PSME3IP1: variants seen among roughly 807,000 people sequenced by gnomAD.
PSME3IP1 encodes the protein PSME3-interacting protein.
PSME3IP1 carries 13 observed loss-of-function variants against 34.1 expected under a neutral mutation model. The ratio of observed to expected loss-of-function variants is 0.38; its 90% CI spans 0.25 to 0.61. PSME3IP1 has a LOEUF of 0.61. Ranked by LOEUF, PSME3IP1 falls within the 20% of genes least tolerant of loss-of-function variation. The pLI is 0.60. For missense variants in PSME3IP1, 237 were observed against 301.4 expected (o/e 0.79, Z 1.58); for synonymous variants, 93 against 114.3 (o/e 0.81, Z 1.19).
chr16:57,179,757 C>T (rs1460997717), intron 1 of PSME3IP1, among the ~76,000 whole-genome samples: 1 of 152,180 alleles, frequency 6.6e-6, no homozygotes, highest in African/African-American at 2.4e-5. Flanking sequence ...TAAGGCTTCA[C>T]TTTCAGTAGC....
chr16:57,181,575 T>C (rs1597785893), intron 1 of PSME3IP1: 1 of 152,266 alleles, frequency 6.6e-6, no homozygotes, highest in South Asian at 2.1e-4. Context: ...CCGCGTCAGA[T>C]CCCATAGGTT....
intron 4 of PSME3IP1, among the ~76,000 whole-genome samples, chr16:57,170,890 T>A (rs2072492451): frequency 6.6e-6 from 1 of 152,108 alleles, no homozygotes; most frequent in Non-Finnish European, 1.5e-5. Context: ...CTGACCAATA[T>A]GATGAAACCT....
At position 57,176,598 on chromosome 16, in the gene PSME3IP1, AC is replaced by A. The variant is rs199849245; in HGVS notation, c.-15-2730del. Among the ~76,000 whole-genome samples the A allele has an allele frequency of 4.1e-4, 63 of 152,376 alleles. No homozygotes were observed. The East Asian group carries it at 0.012, about 29-fold the overall frequency. On this transcript the variant is annotated intron_variant, in intron 1 of 6. Coordinates refer to ENST00000309137, the MANE Select transcript of PSME3IP1 (RefSeq NM_024946.4). ...CATAGGTTCAATCCACTGGGACTAT[AC>A]AAAAAGAATCAAATCTTTTCTAACA...
intron 1 of PSME3IP1, chr16:57,174,736 TG>T: frequency 2.1e-6 from 2 of 963,918 alleles, no homozygotes; most frequent in Non-Finnish European, 2.5e-6. Context: ...AAAGTGAGAC[TG>T]GAAGAACAGA....
At chr16:57,157,330 A>AAAGAAG (rs1555484037) in intron 6 of PSME3IP1, among the ~76,000 whole-genome samples, 6 of 148,996 alleles carry the variant, frequency 4.0e-5, no homozygotes, top group East Asian at 4.2e-4. Context: ...AAAAAAAAAA[A>AAAGAAG]AAGAAGAAGA....
At chr16:57,173,936 G>C in intron 1 of PSME3IP1, 67 bp from the exon 2 acceptor site, 3 of 1,477,592 alleles carry the variant, frequency 2.0e-6, no homozygotes, top group Non-Finnish European at 2.8e-6. Context: ...ATTCTAAAGA[G>C]AAACAAGGAG....
chr16:57,178,621 G>A (rs1335066423), intron 1 of PSME3IP1: 2 of 985,042 alleles, frequency 2.0e-6, no homozygotes, highest in Non-Finnish European at 2.4e-6. Context: ...GCAAGTATTT[G>A]CTGAAGTGTC....
chr16:57,161,778 T>G lies in PSME3IP1; in HGVS notation c.547+2223A>C, dbSNP rs576539991. 2.6e-5 allele frequency among the ~76,000 whole-genome samples: 4 copies of G among 152,268 alleles called. No homozygotes were observed. In the East Asian group the frequency reaches 7.7e-4, roughly 29 times the overall value. ...TCACCCGCCTCGGCTCCCAAAGTGC[T>G]GGGATTACAGGTGGGAGTCACCGCG... is the stretch of plus-strand genomic sequence containing the variant. On this transcript the variant is annotated intron_variant, in intron 6 of 6. Coordinates refer to ENST00000309137, the MANE Select transcript of PSME3IP1 (RefSeq NM_024946.4).
At chr16:57,175,490 T>A (rs1472328875) in intron 1 of PSME3IP1, 3 of 152,216 alleles carry the variant, frequency 2.0e-5, no homozygotes, top group Non-Finnish European at 4.4e-5. Flanking sequence ...AACAGTAAGT[T>A]TCCACGCTAC....
At chr16:57,186,059 G>T (rs919545702), upstream of PSME3IP1, 2 of 985,376 alleles carry the variant, frequency 2.0e-6, no homozygotes, top group East Asian at 2.3e-4. Context: ...CCCCACTTCC[G>T]GCGACGTAAC....
intron 1 of PSME3IP1, chr16:57,175,655 A>C (rs1392431880): frequency 2.6e-5 from 4 of 152,234 alleles, no homozygotes; most frequent in Admixed American, 2.0e-4. Context: ...TATTTGTCTA[A>C]GGTGATACAG....
chr16:57,159,736 T>C (rs1229429695), intron 6 of PSME3IP1, among the ~76,000 whole-genome samples: 1 of 152,156 alleles, frequency 6.6e-6, no homozygotes, highest in East Asian at 1.9e-4. Context: ...AACACAGCTG[T>C]CTGCCTGAGA....
intron 1 of PSME3IP1, chr16:57,181,896 A>G (rs1336062523): frequency 1.3e-5 from 2 of 152,242 alleles, no homozygotes; most frequent in African/African-American, 2.4e-5. Context: ...GGAACCTCTC[A>G]TGTCCACCTA....
intron 5 of PSME3IP1, among the ~76,000 whole-genome samples, chr16:57,165,153 T>TTATA (rs142649591): frequency 6.8e-4 from 101 of 147,662 alleles, no homozygotes; most frequent in African/African-American, 2.0e-3. Context: ...TAAGACACTG[T>TTATA]TATATATATA....
intron 1 of PSME3IP1, among the ~76,000 whole-genome samples, chr16:57,180,819 C>A (rs2073633738): frequency 6.6e-6 from 1 of 151,964 alleles, no homozygotes; most frequent in Non-Finnish European, 1.5e-5. Context: ...CTGTGGGAGG[C>A]CAAGCTGGGA....
chr16:57,182,029 T>C (rs1400915069), intron 1 of PSME3IP1, among the ~76,000 whole-genome samples: 1 of 152,238 alleles, frequency 6.6e-6, no homozygotes, highest in African/African-American at 2.4e-5. Flanking sequence ...TCCCCAGAGG[T>C]TGGACATTGG....
chr16:57,154,298 C>T lies in PSME3IP1; in HGVS notation c.757G>A (p.Ala253Thr). ...SIFRTNTFLE[A>T]P Reference sequence around the variant, plus strand: ...GTGTAGGGACGGAGAAACTAGGGGGCCTCGAGGAAGGTGTTGGTTCGGAAG... The same window carrying T: ...GTGTAGGGACGGAGAAACTAGGGGGTCTCGAGGAAGGTGTTGGTTCGGAAG... The change falls in exon 7 of 7, where the codon GCC becomes ACC. Residue 253 changes from alanine (A) to threonine (T), a missense_variant. Coordinates refer to ENST00000309137, the MANE Select transcript of PSME3IP1 (RefSeq NM_024946.4). This position sits in a 1 kb window ranked among gnomAD's most constrained non-coding sequence, Gnocchi z 4.0. 2 of 1,613,650 alleles carry T rather than the reference C, an allele frequency of 1.2e-6. No individual in the cohort carries two copies. Among genetic ancestry groups the T allele is most frequent in the South Asian group, 1.1e-5 (1 of 91,048 alleles).
chr16:57,172,667 C>T (rs1002560431), intron 3 of PSME3IP1, 109 bp downstream of exon 3: 12 of 925,896 alleles, frequency 1.3e-5, no homozygotes, highest in Admixed American at 5.3e-5. Flanking sequence ...TCCGGAGACT[C>T]GAAAATCAAG....
rs2070149605 is a variant in PSME3IP1, at chr16:57,153,406, G to C, written c.*884C>G. ...AATAGAATGGTCACAATATGCAAGT[G>C]TGTCCCACTCATTTACAATATTAGG... On this transcript the variant is annotated 3_prime_UTR_variant, in exon 7 of 7. Transcript: ENST00000309137. The C allele has an allele frequency of 6.6e-6, 1 of 152,226 alleles. No homozygotes were observed. The highest frequency in any genetic ancestry group is 2.4e-5 in the African/African-American group (1 of 41,464). 9.4% of individuals were successfully genotyped at this position (152,226 alleles called of 1,614,324 possible). A position where few individuals can be genotyped will look rare whatever the true frequency, so the allele number is the denominator to read the frequency against.
Sources: gnomAD v4.1 joint callset for allele counts (sites outside exome capture counted in the v4.1 genomes callset) on GRCh38, gnomAD v4.1.1 for gene constraint, Gnocchi (gnomAD v3.1) non-coding constraint, MANE v1.5 for transcripts, NCBI Gene and HGNC (gene_info 2026-07-23, HGNC 2026-07-21) for gene names.